The following ZNF91 variants were observed in gnomAD, a reference collection of about 807,000 sequenced individuals.
The protein encoded by ZNF91 is zinc finger protein 91 (HPF7, HTF10).
In ZNF91, 7 loss-of-function variants were observed where a neutral mutation model predicts 12.6. That is an observed-to-expected ratio of 0.55 (90% CI 0.31 to 1.04). The LOEUF (loss-of-function observed/expected upper bound fraction) is 1.04. Ranked by LOEUF, ZNF91 falls within the 50% of genes least tolerant of loss-of-function variation. ZNF91 has a pLI of 0.05. For missense variants in ZNF91, 1,217 were observed against 1,385.4 expected (o/e 0.88, Z 1.93); for synonymous variants, 453 against 462.6 (o/e 0.98, Z 0.27).
At chr19:23,371,059 G>C (rs1969256647) in intron 3 of ZNF91, among the ~76,000 whole-genome samples, 1 of 152,020 alleles carries the variant, frequency 6.6e-6, no homozygotes, top group Admixed American at 6.5e-5. Context: ...TGAACTAAGA[G>C]GCTGGGCAAG....
intron 1 of ZNF91, among the ~76,000 whole-genome samples, chr19:23,322,237 G>A (rs1179538679): frequency 6.6e-6 from 1 of 152,194 alleles, no homozygotes; most frequent in African/African-American, 2.4e-5. Context: ...TCAAACCTAG[G>A]TGATGTGGCG....
At chr19:23,363,624 C>T (rs760646396) in intron 3 of ZNF91, among the ~76,000 whole-genome samples, 19 of 151,842 alleles carry the variant, frequency 1.3e-4, no homozygotes, top group Non-Finnish European at 2.2e-4. Context: ...TTTAAATGTC[C>T]AAATCTCAAT....
intron 3 of ZNF91, among the ~76,000 whole-genome samples, 185 bp downstream of exon 3, chr19:23,373,557 A>ATC (rs1299133009): frequency 6.6e-6 from 1 of 151,886 alleles, no homozygotes; most frequent in African/African-American, 2.4e-5. Context: ...CATTGAAGGG[A>ATC]AAGTAGAATT....
At chr19:23,372,526 C>T (rs79311159) in intron 3 of ZNF91, among the ~76,000 whole-genome samples, 327 of 152,316 alleles carry the variant, frequency 2.1e-3, no homozygotes, top group African/African-American at 7.4e-3. Context: ...AGGCAAGCCT[C>T]ATTCAGGCAG....
chr19:23,332,639 G>C (rs1967946103), intron 1 of ZNF91, among the ~76,000 whole-genome samples: 1 of 151,826 alleles, frequency 6.6e-6, no homozygotes, highest in African/African-American at 2.4e-5. Context: ...AAAAGTATAA[G>C]TGTGCCAGGA....
intron 1 of ZNF91, among the ~76,000 whole-genome samples, chr19:23,323,815 CCTA>C (rs550374136): frequency 9.0e-4 from 136 of 151,194 alleles, no homozygotes; most frequent in African/African-American, 1.3e-3. Flanking sequence ...TTCTACTCCT[CCTA>C]CTTTTCCTTT....
upstream of ZNF91, among the ~76,000 whole-genome samples, chr19:23,315,176 G>A (rs1419012219): frequency 6.6e-6 from 1 of 152,174 alleles, no homozygotes; most frequent in Non-Finnish European, 1.5e-5. Context: ...AGGAAAAATT[G>A]TAATGTTTCA....
In ZNF91 at chr19:23,359,651, C is replaced by A; in HGVS notation, c.3328G>T (p.Glu1110Ter). Residue 1110 changes from glutamate to a stop codon, truncating the protein, a stop_gained, in exon 4 of 4, where the codon GAA becomes TAA. Coordinates refer to ENST00000300619, the MANE Select transcript of ZNF91 (RefSeq NM_003430.4). LOFTEE classifies it low-confidence loss of function (END_TRUNC). ...HTGEKPYKCG[E>*]CGKAFKESSA... The stretch of plus-strand genomic sequence containing the variant: ...GACTCTTTAAAGGCTTTGCCACATT[C>A]TCCACATTTGTAGGGTTTCTCTCCG... 6.2e-7 allele frequency: 1 copy of A among 1,613,948 alleles called. No homozygotes were observed. The highest frequency in any genetic ancestry group is 8.5e-7 in the Non-Finnish European group (1 of 1,179,982).
chr19:23,384,686 T>C (rs1969818535), intron 1 of ZNF91: 1 of 582,764 alleles, frequency 1.7e-6, no homozygotes, highest in Admixed American at 2.7e-5. Flanking sequence ...CATGACGTCT[T>C]TGGAGATATT....
chr19:23,391,470 C>T (rs1435706111), intron 1 of ZNF91, among the ~76,000 whole-genome samples: 2 of 152,072 alleles, frequency 1.3e-5, no homozygotes, highest in Non-Finnish European at 2.9e-5. Context: ...TACCTCCTTA[C>T]TAATCTTGTT....
chr19:23,310,091 G>C (rs541483050), intron 1 of ZNF91, among the ~76,000 whole-genome samples: 3 of 152,110 alleles, frequency 2.0e-5, no homozygotes, highest in African/African-American at 7.2e-5. Context: ...GATGTCGACT[G>C]TCATACCTGG....
intron 3 of ZNF91, among the ~76,000 whole-genome samples, chr19:23,350,802 A>T (rs1968344278): frequency 6.6e-6 from 1 of 152,074 alleles, no homozygotes; most frequent in South Asian, 2.1e-4. Context: ...ACCATGTAAC[A>T]GTTGCGTCAG....
intron 3 of ZNF91, among the ~76,000 whole-genome samples, chr19:23,341,161 C>G (rs1424023331): frequency 6.6e-6 from 1 of 150,976 alleles, no homozygotes; most frequent in Non-Finnish European, 1.5e-5. Flanking sequence ...AGCAATTCTT[C>G]TGTGTCAGCC....
intron 3 of ZNF91, chr19:23,342,290 G>T: frequency 2.4e-6 from 1 of 419,354 alleles, no homozygotes; most frequent in South Asian, 6.3e-5. Context: ...AAATTAGCAT[G>T]ACTTTCTGGG....
downstream of ZNF91, among the ~76,000 whole-genome samples, chr19:23,352,857 C>A (rs1968401477): frequency 6.6e-6 from 1 of 152,068 alleles, no homozygotes; most frequent in Non-Finnish European, 1.5e-5. Context: ...TTAAAAGAGA[C>A]AAAAAGGGAC....
At chr19:23,342,102 A>AG in intron 3 of ZNF91, 1 of 365,078 alleles carries the variant, frequency 2.7e-6, no homozygotes, top group Non-Finnish European at 5.0e-6. Context: ...CCACATTTTA[A>AG]GGTCTGAAAT....
intron 3 of ZNF91, among the ~76,000 whole-genome samples, chr19:23,345,416 G>A (rs757771967): frequency 7.2e-5 from 11 of 152,062 alleles, no homozygotes; most frequent in Non-Finnish European, 1.0e-4. Flanking sequence ...GCCCACAAAC[G>A]GAACATTGGA....
At chr19:23,386,373 C>T (rs1969874360) in intron 1 of ZNF91, among the ~76,000 whole-genome samples, 1 of 151,874 alleles carries the variant, frequency 6.6e-6, no homozygotes, top group South Asian at 2.1e-4. Context: ...AGCAAAACAA[C>T]AAAGCTGAAG....
intron 3 of ZNF91, among the ~76,000 whole-genome samples, chr19:23,369,445 G>A (rs1240924664): frequency 6.6e-6 from 1 of 152,058 alleles, no homozygotes; most frequent in South Asian, 2.1e-4. Context: ...GCCTCTGCCC[G>A]GCCGCCCCTT....
Sources: allele counts gnomAD v4.1 joint callset (sites outside exome capture counted in the v4.1 genomes callset), GRCh38; gene constraint gnomAD v4.1.1; transcripts MANE v1.5; gene names NCBI Gene and HGNC (gene_info 2026-07-23, HGNC 2026-07-21).